MED12L: variants seen among roughly 807,000 people sequenced by gnomAD.
The protein encoded by MED12L is mediator of RNA polymerase II transcription subunit 12-like protein.
In MED12L, 60 loss-of-function variants were observed where a neutral mutation model predicts 281.3. That is an observed-to-expected ratio of 0.21 (90% confidence interval 0.17 to 0.26). The LOEUF (loss-of-function observed/expected upper bound fraction) is 0.26, where lower values mean the gene tolerates loss of function less well. Ranked by LOEUF, MED12L falls within the 10% of genes least tolerant of loss-of-function variation. The probability of loss-of-function intolerance (pLI) is 1.00; values close to 1 mark genes in which losing one functional copy is unlikely to be tolerated. For synonymous variants in MED12L, 974 were observed against 987.2 expected, an observed-to-expected ratio of 0.99 and a Z score of 0.25; for missense variants, 2,146 against 2,680.9, an observed-to-expected ratio of 0.80 and a Z score of 4.41.
intron 2 of MED12L, 28 bp downstream of exon 2, chr3:151,087,053 ACCGGGGCCGCGCTCTGCAGCACTGAC>A (rs1439645228): frequency 3.8e-6 from 6 of 1,563,660 alleles, no homozygotes; most frequent in African/African-American, 1.4e-5. Context: ...CTCCCCGGCA[ACCGGGGCCGCGCTCTGCAGCACTGAC>A]CCGGGGCCAA....
chr3:151,114,086 A>G (rs1712349329), intron 2 of MED12L, among the ~76,000 whole-genome samples: 1 of 152,202 alleles, frequency 6.6e-6, no homozygotes, highest in Non-Finnish European at 1.5e-5. Flanking sequence ...CTCAGAGACT[A>G]CTGAAATTTT....
At chr3:151,373,753 T>G (rs1386948635) in intron 27 of MED12L, among the ~76,000 whole-genome samples, 8 of 152,182 alleles carry the variant, frequency 5.3e-5, no homozygotes, top group Admixed American at 5.2e-4. Flanking sequence ...TCACATCATT[T>G]GACATTTTAA....
intron 2 of MED12L, among the ~76,000 whole-genome samples, chr3:151,089,459 T>C (rs1357209318): frequency 9.9e-5 from 15 of 151,848 alleles, no homozygotes; most frequent in African/African-American, 3.6e-4. Flanking sequence ...CTTGGGCAAG[T>C]TGCATAGCCT....
chr3:151,177,549 C>T lies in MED12L; in HGVS notation c.1495-7781C>T, dbSNP rs140614026. Among the ~76,000 whole-genome samples, 262 of 152,152 alleles carry T rather than the reference C, an allele frequency of 1.7e-3. 1 individual carries two copies. The highest frequency in any genetic ancestry group is 5.8e-3 in the African/African-American group (239 of 41,510). On this transcript the variant is annotated intron_variant, in intron 11 of 44. Coordinates refer to ENST00000687756, the MANE Select transcript of MED12L (RefSeq NM_001393769.1). ...TTTTGAGACAGGGTCTCACTGTCGC[C>T]TACAATCATATCTCACTGTAGACTT...
chr3:151,142,876 G>C (rs1053775145), intron 5 of MED12L, among the ~76,000 whole-genome samples: 3 of 151,048 alleles, frequency 2.0e-5, no homozygotes, highest in African/African-American at 7.3e-5. Context: ...TTCCAAATGT[G>C]TATAAACTTC....
At chr3:151,295,568 T>C (rs1744970556) in intron 16 of MED12L, among the ~76,000 whole-genome samples, 1 of 152,230 alleles carries the variant, frequency 6.6e-6, no homozygotes, top group African/African-American at 2.4e-5. Flanking sequence ...ATTGAAATTT[T>C]CTATAACAAG....
chr3:151,405,613 G>A (rs1340554852), intron 39 of MED12L, among the ~76,000 whole-genome samples: 3 of 152,148 alleles, frequency 2.0e-5, no homozygotes, highest in South Asian at 2.1e-4. Context: ...CTACAGCCTT[G>A]GCAACAAAGT....
Position 151,384,159 on chromosome 3 carries a change from T to A in MED12L, c.4867T>A (p.Ser1623Thr). The change falls in exon 35 of 45, where the codon TCC (serine) becomes ACC (threonine). Residue 1623 changes from serine (S) to threonine (T), a missense_variant. Transcript: ENST00000687756. Reference sequence around the variant, plus strand: ...GTTAGCCTCTGACCTATCAAATGCATCCCCTGGGGGATCTGAAGAGAACAA... The same window carrying A: ...GTTAGCCTCTGACCTATCAAATGCAACCCCTGGGGGATCTGAAGAGAACAA... ...GTLASDLSNA[S>T]PGGSEENKRA... 6.2e-7 allele frequency: 1 copy of A among 1,614,036 alleles called. No individual in the cohort carries two copies. The highest frequency in any genetic ancestry group is 8.5e-7 in the Non-Finnish European group (1 of 1,179,934).
intron 5 of MED12L, among the ~76,000 whole-genome samples, chr3:151,132,286 CTTCTCCAGACATCAGTCTT>C (rs569915905): frequency 2.1e-4 from 32 of 152,312 alleles, no homozygotes; most frequent in South Asian, 1.2e-3. Flanking sequence ...AAGTCCTTAG[CTTCTCCAGACATCAGTCTT>C]TTCAACCTTG....
intron 16 of MED12L, among the ~76,000 whole-genome samples, chr3:151,324,357 G>A (rs1749334176): frequency 6.6e-6 from 1 of 152,108 alleles, no homozygotes; most frequent in Non-Finnish European, 1.5e-5. Flanking sequence ...CATCTGGGCT[G>A]GTTACTACCC....
chr3:151,298,342 T>A (rs1457111831), intron 16 of MED12L, among the ~76,000 whole-genome samples: 1 of 152,208 alleles, frequency 6.6e-6, no homozygotes, highest in Non-Finnish European at 1.5e-5. Context: ...CATCTTTAAT[T>A]GACAGTAGCT....
At chr3:151,097,993 AGATTAATTCCAGGAC>A (rs1261554426) in intron 2 of MED12L, among the ~76,000 whole-genome samples, 1 of 152,200 alleles carries the variant, frequency 6.6e-6, no homozygotes, top group East Asian at 1.9e-4. Context: ...ATAGGGAAGA[AGATTAATTCCAGGAC>A]GAAGGAGCAG....
intron 9 of MED12L, 140 bp downstream of exon 9, chr3:151,164,182 A>G: frequency 1.1e-6 from 1 of 870,446 alleles, no homozygotes; most frequent in Non-Finnish European, 1.7e-6. Flanking sequence ...GGGTGACCTT[A>G]GAGAATTGTT....
chr3:151,110,548 C>A (rs532772030), intron 2 of MED12L, among the ~76,000 whole-genome samples: 9 of 152,248 alleles, frequency 5.9e-5, no homozygotes, highest in African/African-American at 2.2e-4. Context: ...GGAAATAGAC[C>A]ATCAAGGTGC....
chr3:151,200,414 T>A (rs1725378277), intron 16 of MED12L, among the ~76,000 whole-genome samples: 1 of 152,240 alleles, frequency 6.6e-6, no homozygotes, highest in African/African-American at 2.4e-5. Flanking sequence ...AAGATTATTT[T>A]TGTATTTTAG....
intron 16 of MED12L, among the ~76,000 whole-genome samples, chr3:151,311,666 A>G (rs1268881196): frequency 6.6e-6 from 1 of 152,176 alleles, no homozygotes; most frequent in Non-Finnish European, 1.5e-5. Context: ...ATTGCATATT[A>G]CTTTGAGCCA....
chr3:151,376,695 G>A (rs988329960), intron 28 of MED12L, 105 bp from the exon 29 acceptor site: 20 of 915,988 alleles, frequency 2.2e-5, no homozygotes, highest in Middle Eastern at 2.3e-4. Context: ...ATTTCATTGT[G>A]TATGATTATT....
chr3:151,115,570 C>T (rs1712641429), intron 2 of MED12L, among the ~76,000 whole-genome samples: 1 of 151,366 alleles, frequency 6.6e-6, no homozygotes, highest in Non-Finnish European at 1.5e-5. Flanking sequence ...TGGTCTTGAA[C>T]TCCTAACCTC....
chr3:151,091,240 C>T (rs1386607836), intron 2 of MED12L, among the ~76,000 whole-genome samples: 1 of 151,990 alleles, frequency 6.6e-6, no homozygotes, highest in Admixed American at 6.6e-5. Flanking sequence ...CAGGGGCTGC[C>T]CGAAGATATA....
Sources: gnomAD v4.1 joint callset for allele counts (sites outside exome capture counted in the v4.1 genomes callset) on GRCh38, gnomAD v4.1.1 for gene constraint, MANE v1.5 for transcripts, NCBI Gene and HGNC (gene_info 2026-07-23, HGNC 2026-07-21) for gene names.